Variants in CACNB4 observed in about 807,000 individuals in gnomAD.
CACNB4 encodes the protein calcium voltage-gated channel auxiliary subunit beta 4.
Under a neutral mutation model 71.2 loss-of-function variants are expected in CACNB4, and 32 were observed. The observed-to-expected ratio is 0.45, with a 90% CI of 0.34 to 0.60. The LOEUF is 0.60. Ranked by LOEUF, CACNB4 falls within the 20% of genes least tolerant of loss-of-function variation. CACNB4 has a pLI of 0.01. For missense variants in CACNB4, 464 were observed against 647.9 expected, an observed-to-expected ratio of 0.72 and a Z score of 3.08; for synonymous variants, 231 against 236.9, an observed-to-expected ratio of 0.97 and a Z score of 0.23.
At chr2:151,911,252 C>T (rs2151536099) in intron 2 of CACNB4, among the ~76,000 whole-genome samples, 1 of 152,148 alleles carries the variant, frequency 6.6e-6, no homozygotes, top group East Asian at 1.9e-4. Context: ...TGTGAACAGA[C>T]ACAACTTGAC....
In CACNB4 at chr2:152,052,955, C is replaced by T. The variant is rs574859441; in HGVS notation, c.147+45375G>A. ...CGAGATCACGCCACTGCACTCCAGC[C>T]TCGGTGACATAGCAAGACTCTGTCT... is the stretch of plus-strand genomic sequence containing the variant. On this transcript the variant is annotated intron_variant, in intron 2 of 13. Coordinates refer to ENST00000539935, the MANE Select transcript of CACNB4 (RefSeq NM_000726.5). Among the ~76,000 whole-genome samples the T allele has an allele frequency of 1.1e-4, 16 of 151,930 alleles. No homozygotes were observed. In the South Asian group the frequency reaches 3.3e-3, roughly 32 times the overall value.
chr2:151,934,083 C>T (rs1453281070), intron 2 of CACNB4, among the ~76,000 whole-genome samples: 1 of 151,790 alleles, frequency 6.6e-6, no homozygotes, highest in African/African-American at 2.4e-5. Flanking sequence ...TTTTCCGGCC[C>T]TGAGGGAAAG....
chr2:152,085,076 G>A (rs933155464), intron 2 of CACNB4, among the ~76,000 whole-genome samples: 3 of 152,126 alleles, frequency 2.0e-5, no homozygotes, highest in South Asian at 2.1e-4. Flanking sequence ...TATTGAAGAC[G>A]GATTTTGACA....
Position 151,998,315 on chromosome 2 carries a change from C to CAAA in CACNB4, c.147+100012_147+100014dup, listed in dbSNP as rs70974815. Among the ~76,000 whole-genome samples, 88 of 110,694 alleles carry CAAA rather than the reference C, an allele frequency of 7.9e-4. 1 individual carries two copies. The highest frequency in any genetic ancestry group is 3.4e-3 in the African/African-American group (86 of 24,966). The allele number at this position is 110,694 out of a possible 152,430, so 72.6% of individuals were successfully genotyped here. A position where few individuals can be genotyped will look rare whatever the true frequency, so the allele number is the denominator to read the frequency against. Reference sequence around the variant, plus strand: ...AATCCAGCCTGGGCAACTCCATCTCCAAAAAAAAAAAAAAAAAAAAAAAAA... The same window carrying CAAA: ...AATCCAGCCTGGGCAACTCCATCTCCAAAAAAAAAAAAAAAAAAAAAAAAAAAA... On this transcript the variant is annotated intron_variant, in intron 2 of 13. Coordinates refer to ENST00000539935, the MANE Select transcript of CACNB4 (RefSeq NM_000726.5).
intron 2 of CACNB4, among the ~76,000 whole-genome samples, chr2:152,080,107 T>G (rs927720189): frequency 2.0e-5 from 3 of 152,272 alleles, no homozygotes; most frequent in Admixed American, 6.5e-5. Context: ...GGTTTAATTA[T>G]TCAGGGTTTA....
In CACNB4 at chr2:151,870,516, A is replaced by G. The variant is rs779855345; in HGVS notation, c.699+15T>C. ...GCTCGATCAAGAACTGAAGAGTAAC[A>G]GATGATATTTGTACCTCGTAACCTT... On this transcript the variant is annotated intron_variant, in intron 8 of 13. Coordinates refer to ENST00000539935, the MANE Select transcript of CACNB4 (RefSeq NM_000726.5). The G allele has an allele frequency of 2.2e-5, 35 of 1,603,260 alleles. No individual in the cohort carries two copies. Among genetic ancestry groups the G allele is most frequent in the African/African-American group, 1.7e-4 (13 of 74,688 alleles).
chr2:152,091,910 A>G (rs1230578706), intron 2 of CACNB4, among the ~76,000 whole-genome samples: 1 of 152,246 alleles, frequency 6.6e-6, no homozygotes, highest in Non-Finnish European at 1.5e-5. Context: ...CACAGTCTCT[A>G]AATTCTTCAA....
In CACNB4 at chr2:151,839,176, G is replaced by C. The variant is rs1256382919; in HGVS notation, c.1506C>G (p.Pro502=). 6.2e-7 allele frequency: 1 copy of C among 1,613,634 alleles called. No individual in the cohort carries two copies. The highest frequency in any genetic ancestry group is 1.7e-5 in the Admixed American group (1 of 59,994). The change falls in exon 14 of 14, where the codon CCC becomes CCG. Residue 502 remains proline, a synonymous_variant. Coordinates refer to ENST00000539935, the MANE Select transcript of CACNB4 (RefSeq NM_000726.5). ...YPDSYQDTYK[P]HRNRGSPGGY... ...CCCCAGGTGATCCTCGGTTCCTATG[G>C]GGTTTGTAAGTGTCCTGGTATGAGT...
chr2:151,855,131 C>T lies in CACNB4; in HGVS notation c.1020+93G>A, dbSNP rs559947605. 7.5e-5 allele frequency: 55 copies of T among 733,908 alleles called. 2 individuals are homozygous for T. The highest frequency in any genetic ancestry group is 5.5e-4 in the South Asian group (19 of 34,332). The allele number at this position is 733,908 out of a possible 1,614,324, so 45.5% of individuals were successfully genotyped here. A position where few individuals can be genotyped will look rare whatever the true frequency, so the allele number is the denominator to read the frequency against. On this transcript the variant is annotated intron_variant, in intron 11 of 13. Transcript: ENST00000539935. ...ATGTGCTTATTAATAATCAGCAAGA[C>T]GTTCTCCTTTGTCCACTAACAAAAA...
chr2:151,874,285 T>G (rs866912266), intron 5 of CACNB4: 1 of 151,926 alleles, frequency 6.6e-6, no homozygotes, highest in South Asian at 2.1e-4. Flanking sequence ...CTGACCAATA[T>G]GATGAAACCC....
At chr2:151,873,468 T>C (rs1364615715) in intron 5 of CACNB4, 1 of 152,228 alleles carries the variant, frequency 6.6e-6, no homozygotes, top group Non-Finnish European at 1.5e-5. Context: ...GCTTTTCAGA[T>C]TATGGATGCT....
chr2:151,956,859 A>C (rs974203291), intron 2 of CACNB4, among the ~76,000 whole-genome samples: 4 of 152,168 alleles, frequency 2.6e-5, no homozygotes, highest in African/African-American at 9.7e-5. Context: ...AGACCTTTTA[A>C]TTTCCAGCCG....
intron 12 of CACNB4, among the ~76,000 whole-genome samples, chr2:151,847,837 G>A (rs1368939051): frequency 1.3e-5 from 2 of 152,322 alleles, no homozygotes; most frequent in South Asian, 2.1e-4. Context: ...AGTGAGCTCC[G>A]ATCGCGCCAC....
At chr2:151,986,315 A>G (rs1040227614) in intron 2 of CACNB4, among the ~76,000 whole-genome samples, 4 of 152,248 alleles carry the variant, frequency 2.6e-5, no homozygotes, top group African/African-American at 9.6e-5. Flanking sequence ...ATATTTATAC[A>G]GTAGACAGAA....
intron 2 of CACNB4, among the ~76,000 whole-genome samples, chr2:151,888,659 C>T (rs1041034057): frequency 5.9e-5 from 9 of 152,214 alleles, no homozygotes; most frequent in Non-Finnish European, 1.3e-4. Context: ...CAATCCCAGT[C>T]TCTCACAACC....
chr2:151,880,740 A>G, intron 4 of CACNB4, 60 bp downstream of exon 4: 1 of 1,574,836 alleles, frequency 6.3e-7, no homozygotes, highest in Non-Finnish European at 8.6e-7. Context: ...TTTGGCTCAG[A>G]GCTGATTCCT....
In CACNB4 at chr2:151,943,148, G is replaced by A. The variant is rs147797815; in HGVS notation, c.148-59778C>T. On this transcript the variant is annotated intron_variant, in intron 2 of 13. Coordinates refer to ENST00000539935, the MANE Select transcript of CACNB4 (RefSeq NM_000726.5). ...GGTTTGAGGCTTAGGTGGGCATCAC[G>A]GTCCTACTGATATGTGATGTCACCT... Among the ~76,000 whole-genome samples the A allele has an allele frequency of 8.1e-3, 1,229 of 152,202 alleles. 13 individuals carry two copies. The highest frequency in any genetic ancestry group is 0.028 in the African/African-American group (1,163 of 41,534).
intron 2 of CACNB4, among the ~76,000 whole-genome samples, chr2:151,889,204 C>T (rs1027626277): frequency 1.3e-5 from 2 of 151,884 alleles, no homozygotes; most frequent in African/African-American, 4.8e-5. Context: ...TGTGGTGGCT[C>T]ATGCCTGTAA....
At position 151,838,894 on chromosome 2, in the gene CACNB4, T is replaced by C. The variant is rs2099835473; in HGVS notation, c.*225A>G. On this transcript the variant is annotated 3_prime_UTR_variant, in exon 14 of 14. Coordinates refer to ENST00000539935, the MANE Select transcript of CACNB4 (RefSeq NM_000726.5). ...AAGAAAACAAAATGTACTGTTATCA[T>C]GTAAATGTTGCACTTAAAAATATCT... 4.6e-6 allele frequency: 2 copies of C among 431,002 alleles called. No homozygotes were observed. Among genetic ancestry groups the C allele is most frequent in the South Asian group, 5.2e-5 (1 of 19,346 alleles). 26.7% of individuals were successfully genotyped at this position (431,002 alleles called of 1,614,324 possible).
Sources: gnomAD v4.1 joint callset for allele counts (sites outside exome capture counted in the v4.1 genomes callset) on GRCh38, gnomAD v4.1.1 for gene constraint, MANE v1.5 for transcripts, NCBI Gene and HGNC (gene_info 2026-07-23, HGNC 2026-07-21) for gene names.